Variants in CPZ observed in about 807,000 individuals in gnomAD.
CPZ encodes the protein carboxypeptidase Z.
In CPZ, 103 loss-of-function variants were observed where a neutral mutation model predicts 61.8. The observed-to-expected ratio is 1.67, with a 90% CI of 1.42 to 1.96. The LOEUF is 1.96. CPZ is among the 30% of genes most tolerant of loss of function. The probability of loss-of-function intolerance (pLI) is 0.00; values close to 1 mark genes in which losing one functional copy is unlikely to be tolerated. For synonymous variants in CPZ, 551 were observed against 373.7 expected (o/e 1.47, Z -5.47); for missense variants, 1,461 against 914.9 (o/e 1.60, Z -7.70).
chr4:8,616,786 C>T (rs9283693), intron 9 of CPZ, among the ~76,000 whole-genome samples: 15,505 of 152,226 alleles, frequency 0.1, 1,009 homozygotes, highest in South Asian at 0.17. Flanking sequence ...CTCTCCCTCC[C>T]GCTAAATGCG....
intron 2 of CPZ, chr4:8,600,851 G>C: frequency 4.8e-6 from 5 of 1,049,928 alleles, no homozygotes; most frequent in Non-Finnish European, 6.1e-6. Flanking sequence ...TGGCACAGCT[G>C]CTTTGCAGAT....
At chr4:8,610,884 C>A (rs147581475) in intron 7 of CPZ, among the ~76,000 whole-genome samples, 8 of 152,320 alleles carry the variant, frequency 5.3e-5, no homozygotes, top group African/African-American at 1.9e-4. Context: ...TGGACCCATT[C>A]CTCACCAACC....
chr4:8,618,135 G>A (rs966886154), intron 9 of CPZ: 2 of 399,520 alleles, frequency 5.0e-6, no homozygotes, highest in Non-Finnish European at 9.2e-6. Context: ...GGCAGGAAAG[G>A]GTTCTCTGCT....
In CPZ at chr4:8,604,004, C is replaced by T. The variant is rs746860460; in HGVS notation, c.525C>T (p.Pro175=). ...RGGLEADEAL[P]SGLPPTFIRF... ...GCCTGGAGGCTGACGAGGCACTGCC[C>T]TCAGGGCTGCCGCCCACCTTCATCC... Residue 175 remains proline (P), a synonymous_variant, in exon 4 of 11, where the codon CCC becomes CCT. Coordinates refer to ENST00000360986, the MANE Select transcript of CPZ (RefSeq NM_001014447.3). 2 of 1,612,174 alleles carry T rather than the reference C, an allele frequency of 1.2e-6. No individual in the cohort carries two copies. The highest frequency in any genetic ancestry group is 1.7e-6 in the Non-Finnish European group (2 of 1,179,818).
chr4:8,613,342 G>C (rs1313165113), intron 8 of CPZ, among the ~76,000 whole-genome samples: 1 of 152,200 alleles, frequency 6.6e-6, no homozygotes, highest in Non-Finnish European at 1.5e-5. Context: ...ATGTTGGCCA[G>C]GATGGTCTTG....
rs1714985570 is a variant in CPZ, at chr4:8,606,174, G to A, written c.895G>A (p.Ala299Thr). ...PSMNPDGYEVAAAEGAGYNGW... is the reference protein window; with the variant it reads ...PSMNPDGYEVTAAEGAGYNGW... ...CATGAACCCTGACGGCTATGAGGTG[G>A]CAGCTGCCGAGGTGAGCGCCCAGAT... Residue 299 changes from alanine to threonine, a missense_variant, in exon 5 of 11, where the codon GCA becomes ACA. Transcript: ENST00000360986. 4 of 1,613,570 alleles carry A rather than the reference G, an allele frequency of 2.5e-6. No individual in the cohort carries two copies. In the African/African-American group the frequency reaches 5.3e-5, roughly 22 times the overall value.
At chr4:8,605,571 CCATCCAGCCATCCAGCCAGCCATTATT>C (rs1475563313) in intron 4 of CPZ, among the ~76,000 whole-genome samples, 11 of 119,582 alleles carry the variant, frequency 9.2e-5, no homozygotes, top group Admixed American at 2.3e-4. Context: ...ATATATCTAT[CCATCCAGCCATCCAGCCAGCCATTATT>C]CATCCATCCA....
At chr4:8,608,048 G>A (rs933150928) in intron 7 of CPZ, among the ~76,000 whole-genome samples, 46 of 152,166 alleles carry the variant, frequency 3.0e-4, no homozygotes, top group African/African-American at 1.1e-3. Flanking sequence ...ACCTGCTGGG[G>A]GAGGGCGCGG....
At chr4:8,618,408 G>A (rs1206345233) in intron 9 of CPZ, 21 bp from the exon 10 acceptor site, 2 of 1,612,340 alleles carry the variant, frequency 1.2e-6, no homozygotes, top group Admixed American at 1.7e-5. Flanking sequence ...CATCTCCCTG[G>A]CCTCCCCTTG....
chr4:8,612,028 T>G lies in CPZ; in HGVS notation c.1229T>G (p.Met410Arg), dbSNP rs1027714847. The G allele has an allele frequency of 6.2e-7, 1 of 1,613,940 alleles. No homozygotes were observed. Among genetic ancestry groups the G allele is most frequent in the East Asian group, 2.2e-5 (1 of 44,884 alleles). Residue 410 changes from methionine (M) to arginine (R), a missense_variant and splice_region_variant, in exon 8 of 11, where the codon ATG becomes AGG. By Grantham distance (91) the Met-to-Arg change is moderately conservative. Transcript: ENST00000360986. ...KMFSPTPDEK[M>R]FKLLSRAYAD... Reference sequence around the variant, plus strand: ...ATCTGAGCCAGGTTTCTTTTCCAGATGTTCAAGCTGCTGTCCAGAGCCTAC... The same window carrying G: ...ATCTGAGCCAGGTTTCTTTTCCAGAGGTTCAAGCTGCTGTCCAGAGCCTAC...
intron 1 of CPZ, among the ~76,000 whole-genome samples, chr4:8,596,241 G>A (rs559418482): frequency 5.9e-5 from 9 of 152,202 alleles, no homozygotes; most frequent in Non-Finnish European, 8.8e-5. Context: ...TAGTAGAGAC[G>A]GGGTTTCACC....
intron 8 of CPZ, among the ~76,000 whole-genome samples, chr4:8,614,068 T>C (rs373083175): frequency 5.3e-5 from 8 of 152,238 alleles, no homozygotes; most frequent in South Asian, 2.1e-4. Context: ...CCTCTTCCCA[T>C]TGCGGGACCC....
intron 8 of CPZ, among the ~76,000 whole-genome samples, chr4:8,613,168 T>A (rs1302136577): frequency 6.7e-6 from 1 of 148,980 alleles, no homozygotes; most frequent in African/African-American, 2.5e-5. Flanking sequence ...AGTCTCGCTC[T>A]GTCACCAGGC....
chr4:8,614,217 G>A lies in CPZ; in HGVS notation c.1364-142G>A. 2.6e-6 allele frequency: 3 copies of A among 1,170,730 alleles called. No individual in the cohort carries two copies. In the East Asian group the frequency reaches 7.8e-5, roughly 30 times the overall value. The allele number at this position is 1,170,730 out of a possible 1,614,324, so 72.5% of individuals were successfully genotyped here. A position where few individuals can be genotyped will look rare whatever the true frequency, so the allele number is the denominator to read the frequency against. ...CACTCACCTGCCTGCTGGGCACTTG[G>A]CTGACACCCCGACGTCCCGGCTGTC... On this transcript the variant is annotated intron_variant, in intron 8 of 10. Coordinates refer to ENST00000360986, the MANE Select transcript of CPZ (RefSeq NM_001014447.3).
In CPZ at chr4:8,604,157, G is replaced by A. The variant is rs1216648538; in HGVS notation, c.678G>A (p.Glu226=). The A allele has an allele frequency of 3.8e-6, 6 of 1,578,602 alleles. No homozygotes were observed. Among genetic ancestry groups the A allele is most frequent in the Admixed American group, 1.8e-5 (1 of 56,298 alleles). Residue 226 remains glutamate, a synonymous_variant, in exon 4 of 11, where the codon GAG becomes GAA. Transcript: ENST00000360986. The part of the protein sequence containing the change: ...SFDGRELLVI[E]FSSRPGQHEL... Reference sequence around the variant, plus strand: ...ACGGCAGGGAGCTGCTGGTCATCGAGTTCTCCAGCCGCCCCGGCCAGCACG... The same window carrying A: ...ACGGCAGGGAGCTGCTGGTCATCGAATTCTCCAGCCGCCCCGGCCAGCACG...
chr4:8,606,882 A>C lies in CPZ; in HGVS notation c.1052A>C (p.His351Pro). Residue 351 changes from histidine (H) to proline (P), a missense_variant, in exon 6 of 11, where the codon CAC becomes CCC. Physicochemically the swap from His to Pro is moderately conservative, Grantham distance 77 (BLOSUM62 -2). Transcript: ENST00000360986. ...AGCGACCACATCCCCATCCCCCAGC[A>C]CTACTGGTGGGGTAAGGTAGGAGCC... ...ARSDHIPIPQ[H>P]YWWGKVAPET... 1 of 1,611,786 alleles carries C rather than the reference A, an allele frequency of 6.2e-7. No individual in the cohort carries two copies.
At chr4:8,601,565 A>T (rs1024893285) in intron 3 of CPZ, 68 bp downstream of exon 3, 8 of 1,387,640 alleles carry the variant, frequency 5.8e-6, no homozygotes, top group Non-Finnish European at 7.5e-6. Flanking sequence ...CAAGAGCCAC[A>T]CTGGAAGGAA....
chr4:8,619,322 C>T lies in CPZ; in HGVS notation c.1664C>T (p.Ala555Val). 1.2e-6 allele frequency: 2 copies of T among 1,614,096 alleles called. No homozygotes were observed. The highest frequency in any genetic ancestry group is 8.5e-7 in the Non-Finnish European group (1 of 1,179,992). ...PPGIHIVIAQAPGYAKVIKKV... is the reference protein window; with the variant it reads ...PPGIHIVIAQVPGYAKVIKKV... ...GGTATCCACATTGTCATTGCCCAAG[C>T]CCCTGGCTACGCCAAAGTCATCAAG... The change falls in exon 11 of 11, where the codon GCC becomes GTC. Residue 555 changes from alanine to valine, a missense_variant. Transcript: ENST00000360986.
intron 7 of CPZ, among the ~76,000 whole-genome samples, chr4:8,609,059 A>ACTCCCTCATTCACTCACGTACTCACTCC (rs1553877575): frequency 1.7e-5 from 2 of 117,930 alleles, no homozygotes; most frequent in Non-Finnish European, 3.4e-5. Context: ...TCCCTCCCTC[A>ACTCCCTCATTCACTCACGTACTCACTCC]CTCCCTCACT....
Sources: allele counts gnomAD v4.1 joint callset (sites outside exome capture counted in the v4.1 genomes callset), GRCh38; gene constraint gnomAD v4.1.1; transcripts MANE v1.5; gene names NCBI Gene and HGNC (gene_info 2026-07-23, HGNC 2026-07-21).